The following DNAAF11 variants were observed in gnomAD, a reference collection of about 807,000 sequenced individuals.
DNAAF11 encodes the protein leucine rich repeat containing 6.
DNAAF11 carries 45 observed loss-of-function variants against 60.8 expected under a neutral mutation model. That is an observed-to-expected ratio of 0.74 (90% CI 0.58 to 0.95). The LOEUF is 0.95. DNAAF11 is among the 40% of genes least tolerant of loss of function. DNAAF11 has a pLI of 0.00. For missense variants in DNAAF11, 546 were observed against 546.2 expected, an observed-to-expected ratio of 1.00 and a Z score of 0.00; for synonymous variants, 191 against 183.5, an observed-to-expected ratio of 1.04 and a Z score of -0.33.
intron 4 of DNAAF11, among the ~76,000 whole-genome samples, chr8:132,637,661 G>C (rs1057256534): frequency 2.0e-5 from 3 of 151,778 alleles, no homozygotes; most frequent in African/African-American, 7.3e-5. Context: ...AATGTTCTTC[G>C]TAACTATGAT....
intron 10 of DNAAF11, among the ~76,000 whole-genome samples, chr8:132,595,347 GGAAAAAAAAAAA>G (rs1301898623): frequency 9.8e-5 from 4 of 40,680 alleles, no homozygotes; most frequent in South Asian, 1.5e-3. Flanking sequence ...GAGACAGAGG[GGAAAAAAAAAAA>G]AAAAAAAAAA....
intron 2 of DNAAF11, among the ~76,000 whole-genome samples, chr8:132,657,279 A>G (rs896790309): frequency 2.0e-5 from 3 of 152,194 alleles, no homozygotes; most frequent in African/African-American, 7.2e-5. Context: ...GATACAGGAG[A>G]GGACATGCAC....
At chr8:132,674,435 A>G (rs897290741) in intron 1 of DNAAF11, among the ~76,000 whole-genome samples, 5 of 152,196 alleles carry the variant, frequency 3.3e-5, no homozygotes, top group African/African-American at 1.2e-4. Flanking sequence ...ATTTAAAAAA[A>G]GTTAATTATG....
chr8:132,637,695 A>C (rs1323026139), intron 4 of DNAAF11, among the ~76,000 whole-genome samples: 2 of 152,230 alleles, frequency 1.3e-5, no homozygotes, highest in Non-Finnish European at 1.5e-5. Flanking sequence ...GAAAAAGTCA[A>C]ATTAAGTTCT....
intron 1 of DNAAF11, among the ~76,000 whole-genome samples, chr8:132,672,244 C>T (rs1264349566): frequency 1.3e-5 from 2 of 152,128 alleles, no homozygotes; most frequent in African/African-American, 2.4e-5. Flanking sequence ...ATACAAAATG[C>T]ATTCAATAGT....
the DNAAF11 span, among the ~76,000 whole-genome samples, chr8:132,700,194 T>C: frequency 2.0e-5 from 3 of 152,152 alleles, no homozygotes; most frequent in Non-Finnish European, 4.4e-5. Flanking sequence ...GCAAGCAAGA[T>C]AAATGTGTTC....
intron 7 of DNAAF11, among the ~76,000 whole-genome samples, chr8:132,617,284 T>C (rs866371277): frequency 9.5e-4 from 145 of 152,206 alleles, no homozygotes; most frequent in African/African-American, 3.3e-3. Context: ...GAGTTTGTTA[T>C]AGGGCACCCA....
the DNAAF11 span, among the ~76,000 whole-genome samples, chr8:132,699,991 C>A: frequency 6.6e-6 from 1 of 152,012 alleles, no homozygotes; most frequent in Non-Finnish European, 1.5e-5. Flanking sequence ...CTTCAGGTTA[C>A]AAAAATGTCT....
At chr8:132,664,128 G>C (rs1451286721) in intron 1 of DNAAF11, among the ~76,000 whole-genome samples, 1 of 152,216 alleles carries the variant, frequency 6.6e-6, no homozygotes, top group Non-Finnish European at 1.5e-5. Flanking sequence ...TTGATACATA[G>C]GCCTTTACTT....
chr8:132,642,842 C>G (rs1453509255), intron 3 of DNAAF11, among the ~76,000 whole-genome samples: 3 of 152,178 alleles, frequency 2.0e-5, no homozygotes, highest in African/African-American at 4.8e-5. Context: ...GGGATTTGGA[C>G]CCAGGTTGGC....
intron 7 of DNAAF11, among the ~76,000 whole-genome samples, chr8:132,617,248 G>A (rs547107034): frequency 1.4e-4 from 21 of 152,210 alleles, no homozygotes; most frequent in Non-Finnish European, 2.2e-4. Flanking sequence ...CATGAAGAGC[G>A]AATGTGAAAA....
chr8:132,666,448 TA>T (rs112638500), intron 1 of DNAAF11, among the ~76,000 whole-genome samples: 3 of 150,754 alleles, frequency 2.0e-5, no homozygotes, highest in East Asian at 1.9e-4. Flanking sequence ...AATTAAAAAG[TA>T]AAAAAAAAGA....
chr8:132,636,040 T>C (rs1179099605), intron 4 of DNAAF11, among the ~76,000 whole-genome samples: 1 of 151,854 alleles, frequency 6.6e-6, no homozygotes, highest in Non-Finnish European at 1.5e-5. Flanking sequence ...AACTACAAGA[T>C]GATACATTTC....
At chr8:132,666,022 C>T (rs1824589225) in intron 1 of DNAAF11, among the ~76,000 whole-genome samples, 1 of 152,132 alleles carries the variant, frequency 6.6e-6, no homozygotes, top group African/African-American at 2.4e-5. Flanking sequence ...CATGTTCTCA[C>T]TTATAAGTGG....
rs1586595405 is a variant in DNAAF11 at position 132,617,822 on chromosome 8, C to T, written c.915-2725G>A. ...GGATACAAACAAATGGAAGAACATT[C>T]CATGCTCATGGGTAGGAAGAATCAA... On this transcript the variant is annotated intron_variant, in intron 7 of 11. Transcript: ENST00000620350. Among the ~76,000 whole-genome samples the T allele has an allele frequency of 2.0e-5, 3 of 151,156 alleles. No individual in the cohort carries two copies. In the South Asian group the frequency reaches 6.4e-4, roughly 32 times the overall value.
At chr8:132,581,661 CAA>C (rs59380140) in intron 11 of DNAAF11, among the ~76,000 whole-genome samples, 12,271 of 82,724 alleles carry the variant, frequency 0.15, 416 homozygotes, top group Middle Eastern at 0.21. Context: ...GACTCTGCCT[CAA>C]AAAAAAAAAA....
intron 4 of DNAAF11, among the ~76,000 whole-genome samples, chr8:132,633,774 A>G (rs1563657252): frequency 6.6e-6 from 1 of 152,104 alleles, no homozygotes; most frequent in Non-Finnish European, 1.5e-5. Context: ...AGTTAGGGAG[A>G]GAGGTAAAGT....
chr8:132,586,725 T>C (rs918662948), intron 10 of DNAAF11, among the ~76,000 whole-genome samples: 4 of 152,294 alleles, frequency 2.6e-5, no homozygotes, highest in South Asian at 2.1e-4. Context: ...ATTTGGCCAA[T>C]TGAAAAGACT....
upstream of DNAAF11, among the ~76,000 whole-genome samples, chr8:132,676,279 C>A (rs1825757502): frequency 6.6e-6 from 1 of 152,152 alleles, no homozygotes; most frequent in Non-Finnish European, 1.5e-5. Flanking sequence ...CAAAAGTGTG[C>A]AACGCGCCTT....
Sources: gnomAD v4.1 joint callset for allele counts (sites outside exome capture counted in the v4.1 genomes callset) on GRCh38, gnomAD v4.1.1 for gene constraint, MANE v1.5 for transcripts, NCBI Gene and HGNC (gene_info 2026-07-23, HGNC 2026-07-21) for gene names.